Variants in ITGB3BP observed in about 807,000 individuals in gnomAD.
ITGB3BP encodes the protein centromere protein R.
ITGB3BP carries 27 observed loss-of-function variants against 29.1 expected under a neutral mutation model. The ratio of observed to expected loss-of-function variants is 0.93; its 90% CI spans 0.68 to 1.28. ITGB3BP has a LOEUF of 1.28. Among genes scored for constraint, ITGB3BP ranks in the 50% most tolerant of loss-of-function variants. The probability of loss-of-function intolerance (pLI) is 0.00; values close to 1 mark genes in which losing one functional copy is unlikely to be tolerated. For synonymous variants in ITGB3BP, 61 were observed against 61.4 expected (o/e 0.99, Z 0.03); for missense variants, 192 against 200.2 (o/e 0.96, Z 0.25).
chr1:63,499,742 T>C (rs1166491806), intron 2 of ITGB3BP, among the ~76,000 whole-genome samples: 1 of 152,158 alleles, frequency 6.6e-6, no homozygotes, highest in South Asian at 2.1e-4. Context: ...AAAGCACACA[T>C]GATCATCTCA....
intron 2 of ITGB3BP, among the ~76,000 whole-genome samples, chr1:63,492,259 C>CT (rs902782791): frequency 6.6e-5 from 10 of 151,216 alleles, no homozygotes; most frequent in Middle Eastern, 3.2e-3. Flanking sequence ...AGGCTTCTCT[C>CT]TTTTTTTATT....
chr1:63,477,910 C>T (rs1645369059), intron 4 of ITGB3BP, among the ~76,000 whole-genome samples: 1 of 152,138 alleles, frequency 6.6e-6, no homozygotes, highest in East Asian at 1.9e-4. Context: ...GATACAAATA[C>T]AGCTGTCCCT....
intron 2 of ITGB3BP, among the ~76,000 whole-genome samples, chr1:63,502,597 T>G (rs1645962380): frequency 6.6e-6 from 1 of 151,590 alleles, no homozygotes; most frequent in Non-Finnish European, 1.5e-5. Context: ...ATGTGCCGTG[T>G]TGATGTGCTG....
chr1:63,477,178 G>C (rs74078229), intron 4 of ITGB3BP, among the ~76,000 whole-genome samples: 1,878 of 152,210 alleles, frequency 0.012, 45 homozygotes, highest in African/African-American at 0.043. Context: ...TCTTCTCTTT[G>C]TCCCTAAAGT....
intron 3 of ITGB3BP, among the ~76,000 whole-genome samples, chr1:63,482,258 G>A (rs1324763407): frequency 9.8e-6 from 1 of 101,682 alleles, no homozygotes; most frequent in Non-Finnish European, 1.8e-5. Context: ...GGGTGACAGA[G>A]TGACTCCATC....
At chr1:63,510,595 A>G (rs1402585695) in intron 1 of ITGB3BP, among the ~76,000 whole-genome samples, 1 of 152,242 alleles carries the variant, frequency 6.6e-6, no homozygotes, top group Admixed American at 6.5e-5. Flanking sequence ...AATACTTAAA[A>G]GAATCCTTAA....
At chr1:63,528,542 A>C (rs900906885) in intron 2 of ITGB3BP, among the ~76,000 whole-genome samples, 109 of 152,228 alleles carry the variant, frequency 7.2e-4, no homozygotes, top group African/African-American at 2.6e-3. Flanking sequence ...AAAATCATTT[A>C]AGTGTACATT....
intron 2 of ITGB3BP, among the ~76,000 whole-genome samples, chr1:63,496,023 G>C (rs1303095673): frequency 6.6e-6 from 1 of 152,038 alleles, no homozygotes; most frequent in Non-Finnish European, 1.5e-5. Flanking sequence ...ATGGGCAAAA[G>C]GGGCAGTTGA....
rs142817643 is a variant in ITGB3BP at position 63,465,960 on chromosome 1, A to G, written c.255-10992T>C. Among the ~76,000 whole-genome samples the G allele has an allele frequency of 1.7e-3, 259 of 152,246 alleles. 1 individual carries two copies. The highest frequency in any genetic ancestry group is 6.1e-3 in the African/African-American group (253 of 41,546). On this transcript the variant is annotated intron_variant, in intron 4 of 8. Coordinates refer to ENST00000271002, the MANE Select transcript of ITGB3BP (RefSeq NM_014288.5). Reference sequence around the variant, plus strand: ...TTATGACTTTTCTCTGTAGCCTATAAGAGTGGACAGAGTGGGCTGACCCAA... The same window carrying G: ...TTATGACTTTTCTCTGTAGCCTATAGGAGTGGACAGAGTGGGCTGACCCAA...
At chr1:63,460,249 A>G (rs1378718945) in intron 4 of ITGB3BP, among the ~76,000 whole-genome samples, 2 of 152,204 alleles carry the variant, frequency 1.3e-5, no homozygotes, top group African/African-American at 4.8e-5. Context: ...TATTTCCAAA[A>G]GTTTTCTATT....
upstream of ITGB3BP, among the ~76,000 whole-genome samples, chr1:63,523,984 C>T (rs908580117): frequency 1.3e-5 from 2 of 152,116 alleles, no homozygotes; most frequent in African/African-American, 4.8e-5. Context: ...CTCTAGGCCC[C>T]TGTCTCAGTC....
chr1:63,465,107 T>C (rs7364846), intron 4 of ITGB3BP, among the ~76,000 whole-genome samples: 51,413 of 152,004 alleles, frequency 0.34, 8,923 homozygotes, highest in East Asian at 0.48. Flanking sequence ...ATTTTTACTA[T>C]GGTTAAATAA....
At chr1:63,469,256 T>C (rs1216069450) in intron 4 of ITGB3BP, among the ~76,000 whole-genome samples, 1 of 152,204 alleles carries the variant, frequency 6.6e-6, no homozygotes. Flanking sequence ...TTACTTACTA[T>C]GCTTTGTAAA....
chr1:63,455,858 T>C (rs746448531), intron 4 of ITGB3BP, among the ~76,000 whole-genome samples: 47 of 146,918 alleles, frequency 3.2e-4, no homozygotes, highest in Non-Finnish European at 6.3e-4. Context: ...CTAAAAGGAA[T>C]AAAAAGGTAA....
intron 3 of ITGB3BP, among the ~76,000 whole-genome samples, chr1:63,482,566 TTTTAATA>T (rs1384735839): frequency 6.6e-6 from 1 of 152,052 alleles, no homozygotes; most frequent in Non-Finnish European, 1.5e-5. Context: ...CCTGCTATTC[TTTTAATA>T]AACCAAATTA....
intron 3 of ITGB3BP, among the ~76,000 whole-genome samples, chr1:63,479,520 C>T (rs1466490394): frequency 6.6e-6 from 1 of 152,092 alleles, no homozygotes; most frequent in Non-Finnish European, 1.5e-5. Context: ...TAATTACAGT[C>T]AATTATACAA....
intron 7 of ITGB3BP, among the ~76,000 whole-genome samples, chr1:63,447,213 C>T (rs1003359749): frequency 6.6e-6 from 1 of 152,074 alleles, no homozygotes; most frequent in African/African-American, 2.4e-5. Context: ...TCAGTGTGTT[C>T]CCAATGCTAG....
chr1:63,492,056 T>C (rs376717841), intron 2 of ITGB3BP, among the ~76,000 whole-genome samples: 3 of 152,284 alleles, frequency 2.0e-5, no homozygotes, highest in Admixed American at 6.5e-5. Flanking sequence ...TATCTATCTG[T>C]TTTTCTATTT....
At chr1:63,503,189 T>A (rs113631965) in intron 2 of ITGB3BP, among the ~76,000 whole-genome samples, 1,869 of 152,250 alleles carry the variant, frequency 0.012, 43 homozygotes, top group African/African-American at 0.043. Context: ...GTTTCCTGAC[T>A]TTTTAATGAT....
Sources: gnomAD v4.1 joint callset for allele counts (sites outside exome capture counted in the v4.1 genomes callset) on GRCh38, gnomAD v4.1.1 for gene constraint, MANE v1.5 for transcripts, NCBI Gene and HGNC (gene_info 2026-07-23, HGNC 2026-07-21) for gene names.